PDE5A: variants seen among roughly 807,000 people sequenced by gnomAD.
PDE5A encodes the protein phosphodiesterase 5A, also known as cGMP-specific 3',5'-cyclic phosphodiesterase.
In PDE5A, 67 loss-of-function variants were observed where a neutral mutation model predicts 110.2. The ratio of observed to expected loss-of-function variants is 0.61; its 90% CI spans 0.50 to 0.75. The LOEUF (loss-of-function observed/expected upper bound fraction) is 0.75. Among genes scored for constraint, PDE5A ranks in the 30% least tolerant of loss-of-function variants. The pLI is 0.00. For missense variants in PDE5A, 862 were observed against 1,045.1 expected (o/e 0.82, Z 2.42); for synonymous variants, 328 against 351.2 (o/e 0.93, Z 0.74).
At chr4:119,570,189 T>C (rs879830818) in intron 3 of PDE5A, among the ~76,000 whole-genome samples, 3 of 152,244 alleles carry the variant, frequency 2.0e-5, no homozygotes, top group Non-Finnish European at 2.9e-5. Context: ...TCTGCCCTCA[T>C]GTTCAAATAA....
intron 18 of PDE5A, 42 bp from the exon 19 acceptor site, chr4:119,502,697 ATCAT>A (rs764857717): frequency 7.8e-7 from 1 of 1,281,020 alleles, no homozygotes; most frequent in East Asian, 2.3e-5. Context: ...TGAAAAGCAT[ATCAT>A]TCTTTAAAAC....
At position 119,560,285 on chromosome 4, in the gene PDE5A, C is replaced by T. The variant is rs199580386; in HGVS notation, c.1199+11G>A. 18 of 1,498,352 alleles carry T rather than the reference C, an allele frequency of 1.2e-5. No homozygotes were observed. Among genetic ancestry groups the T allele is most frequent in the South Asian group, 6.2e-5 (5 of 80,028 alleles). 92.8% of individuals were successfully genotyped at this position (1,498,352 alleles called of 1,614,324 possible). On this transcript the variant is annotated intron_variant, in intron 7 of 20. Coordinates refer to ENST00000354960, the MANE Select transcript of PDE5A (RefSeq NM_001083.4). The stretch of plus-strand genomic sequence containing the variant: ...ATGTGATAAAGACAAGTAGAGAATA[C>T]GTGCTTTTACCTTGTTAATGTATCA...
intron 7 of PDE5A, among the ~76,000 whole-genome samples, chr4:119,557,028 TGA>T (rs34255091): frequency 0.47 from 71,598 of 151,336 alleles, 17,200 homozygotes; most frequent in South Asian, 0.64. Flanking sequence ...AAAGAGTAGC[TGA>T]CCAATGTCTC....
intron 7 of PDE5A, among the ~76,000 whole-genome samples, chr4:119,554,584 A>G (rs1727476857): frequency 6.6e-6 from 1 of 152,174 alleles, no homozygotes; most frequent in Non-Finnish European, 1.5e-5. Context: ...TATTCTATCT[A>G]TAAGAACATG....
At position 119,606,772 on chromosome 4, in the gene PDE5A, G is replaced by A; in HGVS notation, c.678C>T (p.Asn226=). The A allele has an allele frequency of 6.2e-7, 1 of 1,614,104 alleles. No homozygotes were observed. Among genetic ancestry groups the A allele is most frequent in the Non-Finnish European group, 8.5e-7 (1 of 1,180,022 alleles). The part of the protein sequence containing the change: ...VSNNCIRLEW[N]KGIVGHVAAL... ...CTGCCACATGTCCCACAATGCCTTT[G>A]TTCCATTCTAAGCGGATACAGTTAT... Residue 226 remains asparagine (N), a synonymous_variant, in exon 2 of 21, where the codon AAC becomes AAT. Coordinates refer to ENST00000354960, the MANE Select transcript of PDE5A (RefSeq NM_001083.4).
intron 3 of PDE5A, among the ~76,000 whole-genome samples, chr4:119,568,694 A>T (rs2110510694): frequency 1.3e-5 from 2 of 152,154 alleles, no homozygotes; most frequent in East Asian, 3.9e-4. Flanking sequence ...TGACATTTAA[A>T]TTTTTTTTCT....
chr4:119,573,617 T>C (rs1370809457), intron 3 of PDE5A, among the ~76,000 whole-genome samples: 2 of 152,196 alleles, frequency 1.3e-5, no homozygotes, highest in Non-Finnish European at 2.9e-5. Context: ...TATCCTTCTG[T>C]ATATACAGGC....
At chr4:119,606,669 C>T (rs1475590421) in intron 2 of PDE5A, 40 bp downstream of exon 2, 12 of 1,477,228 alleles carry the variant, frequency 8.1e-6, no homozygotes, top group Admixed American at 3.4e-5. Context: ...CCATAGTCCC[C>T]TCCCCAGCAC....
intron 11 of PDE5A, among the ~76,000 whole-genome samples, chr4:119,530,910 G>C (rs1726509530): frequency 6.6e-6 from 1 of 151,888 alleles, no homozygotes; most frequent in South Asian, 2.1e-4. Context: ...ATTTTCTTTT[G>C]AAAAATTTTA....
chr4:119,506,690 G>A (rs749237750), intron 16 of PDE5A, among the ~76,000 whole-genome samples: 3 of 151,818 alleles, frequency 2.0e-5, no homozygotes, highest in Admixed American at 6.6e-5. Context: ...TTGGTAATTT[G>A]ATAATCCTTA....
intron 3 of PDE5A, among the ~76,000 whole-genome samples, chr4:119,590,551 A>T (rs1370077262): frequency 6.6e-6 from 1 of 152,206 alleles, no homozygotes; most frequent in Non-Finnish European, 1.5e-5. Context: ...AGAGGGGAAG[A>T]TTGCAAAAAC....
At chr4:119,548,039 C>T (rs1458793143) in intron 9 of PDE5A, among the ~76,000 whole-genome samples, 1 of 134,730 alleles carries the variant, frequency 7.4e-6, no homozygotes, top group Non-Finnish European at 1.5e-5. Context: ...TCCATTTCTC[C>T]GTGTATTTTT....
At chr4:119,603,959 G>A (rs1729434094) in intron 2 of PDE5A, among the ~76,000 whole-genome samples, 1 of 152,152 alleles carries the variant, frequency 6.6e-6, no homozygotes, top group Non-Finnish European at 1.5e-5. Flanking sequence ...TTCAAATTAT[G>A]GATGGTGCTT....
chr4:119,603,826 CT>C (rs1243201933), intron 2 of PDE5A, among the ~76,000 whole-genome samples: 1 of 152,134 alleles, frequency 6.6e-6, no homozygotes, highest in African/African-American at 2.4e-5. Context: ...ATCAAATAAG[CT>C]TAAGAAACAC....
At chr4:119,505,992 G>T in intron 16 of PDE5A, 60 bp from the exon 17 acceptor site, 2 of 912,226 alleles carry the variant, frequency 2.2e-6, no homozygotes, top group South Asian at 1.8e-5. Flanking sequence ...TATCCCTTTG[G>T]TCCACAAAGA....
At chr4:119,602,743 T>C (rs1433790532) in intron 2 of PDE5A, among the ~76,000 whole-genome samples, 4 of 152,188 alleles carry the variant, frequency 2.6e-5, no homozygotes, top group South Asian at 2.1e-4. Flanking sequence ...AGAAACTGCA[T>C]GGTGAAAGAA....
chr4:119,546,451 G>A (rs953144003), intron 9 of PDE5A, among the ~76,000 whole-genome samples: 1 of 151,842 alleles, frequency 6.6e-6, no homozygotes, highest in Non-Finnish European at 1.5e-5. Context: ...TTTCTGTTCT[G>A]TTTCATCAAT....
At chr4:119,518,623 T>G (rs1253391164) in intron 14 of PDE5A, among the ~76,000 whole-genome samples, 2 of 152,198 alleles carry the variant, frequency 1.3e-5, no homozygotes, top group Non-Finnish European at 2.9e-5. Context: ...TCCAACAGAG[T>G]GCTATGTAGC....
intron 9 of PDE5A, chr4:119,552,103 A>G (rs1344183600): frequency 6.6e-6 from 1 of 152,220 alleles, no homozygotes; most frequent in African/African-American, 2.4e-5. Flanking sequence ...TAAGCTCCTG[A>G]GGGCAGGAAT....
Sources: gnomAD v4.1 joint callset for allele counts (sites outside exome capture counted in the v4.1 genomes callset) on GRCh38, gnomAD v4.1.1 for gene constraint, MANE v1.5 for transcripts, NCBI Gene and HGNC (gene_info 2026-07-23, HGNC 2026-07-21) for gene names.